The following ZFHX3 variants were observed in gnomAD, a reference collection of about 807,000 sequenced individuals.
ZFHX3 encodes the protein zinc finger homeobox protein 3.
In ZFHX3, 42 loss-of-function variants were observed where a neutral mutation model predicts 279.1. That is an observed-to-expected ratio of 0.15 (90% CI 0.12 to 0.19). The LOEUF is 0.19. Among genes scored for constraint, ZFHX3 ranks in the 10% least tolerant of loss-of-function variants. The pLI, the probability that ZFHX3 is intolerant of heterozygous loss-of-function variation, is 1.00. For missense variants in ZFHX3, 4,981 were observed against 4,754.0 expected (o/e 1.05, Z -1.40); for synonymous variants, 2,293 against 1,957.8 (o/e 1.17, Z -4.52).
chr16:73,780,604 G>C (rs376217413), intron 1 of ZFHX3, among the ~76,000 whole-genome samples: 1 of 151,946 alleles, frequency 6.6e-6, no homozygotes, highest in Non-Finnish European at 1.5e-5. Context: ...ACCACGCCCA[G>C]CTAATTTTTG....
Position 72,796,269 on chromosome 16 carries a change from G to T in ZFHX3, c.6413C>A (p.Pro2138Gln), listed in dbSNP as rs1203799745. Reference sequence around the variant, plus strand: ...CTTGTTCTGCTGCTGGAGCAGGGTTGGATTGAGCTGATGCTGGTAGAGTTG... The same window carrying T: ...CTTGTTCTGCTGCTGGAGCAGGGTTTGATTGAGCTGATGCTGGTAGAGTTG... ...LAQLYQHQLN[P>Q]TLLQQQNKRP... Residue 2138 changes from proline (P) to glutamine (Q), a missense_variant, in exon 9 of 10, where the codon CCA (proline) becomes CAA (glutamine). Pro to Gln is a moderately conservative substitution (Grantham distance 76). Transcript: ENST00000268489. 6.2e-7 allele frequency: 1 copy of T among 1,614,130 alleles called. No homozygotes were observed. The highest frequency in any genetic ancestry group is 1.7e-5 in the Admixed American group (1 of 60,030).
At chr16:73,268,035 T>C (rs1021551113) in intron 4 of ZFHX3, among the ~76,000 whole-genome samples, 8 of 152,188 alleles carry the variant, frequency 5.3e-5, no homozygotes, top group African/African-American at 1.9e-4. Context: ...GAAGATTTGA[T>C]TTACCCAGTA....
At chr16:72,931,443 ACACACACACACAC>A (rs1285549734) in intron 3 of ZFHX3, among the ~76,000 whole-genome samples, 2 of 149,334 alleles carry the variant, frequency 1.3e-5, no homozygotes, top group African/African-American at 2.5e-5. Flanking sequence ...ACACACACAC[ACACACACACACAC>A]TCTTCAGCTT....
At chr16:73,062,948 T>C (rs1965704147), upstream of ZFHX3, among the ~76,000 whole-genome samples, 2 of 152,248 alleles carry the variant, frequency 1.3e-5, no homozygotes, top group South Asian at 4.1e-4. Flanking sequence ...CATGCCGAAG[T>C]GCATCTGTCT....
intron 1 of ZFHX3, among the ~76,000 whole-genome samples, chr16:72,992,340 C>T (rs933065465): frequency 4.6e-5 from 7 of 152,182 alleles, no homozygotes; most frequent in Non-Finnish European, 1.0e-4. Flanking sequence ...GCCAGCTTCC[C>T]TGCCTTCCCC....
rs200933190 is a variant in ZFHX3 at position 73,563,170 on chromosome 16, TTGTGTGTGTGTGTGTGTGTG to T, written c.-1546-106932_-1546-106913del. Among the ~76,000 whole-genome samples the T allele has an allele frequency of 6.7e-3, 901 of 134,938 alleles. 7 individuals are homozygous for T. Among genetic ancestry groups the T allele is most frequent in the African/African-American group, 0.01 (361 of 34,824 alleles). 88.5% of individuals were successfully genotyped at this position (134,938 alleles called of 152,430 possible). On this transcript the variant is annotated intron_variant, in intron 2 of 17. Transcript: ENST00000641206. Reference sequence around the variant, plus strand: ...GTCTTTTTTTGTTTTTTTTGTTTTGTTGTGTGTGTGTGTGTGTGTGTGTGTGTGTGTGTGTGTGTGTGTGT... The same window carrying T: ...GTCTTTTTTTGTTTTTTTTGTTTTGTTGTGTGTGTGTGTGTGTGTGTGTGT...
At chr16:73,195,757 CA>C (rs374985325) in intron 5 of ZFHX3, among the ~76,000 whole-genome samples, 16 of 150,678 alleles carry the variant, frequency 1.1e-4, no homozygotes, top group Non-Finnish European at 2.1e-4. Flanking sequence ...GGCTAGAAAG[CA>C]AAAAAAATAG....
chr16:72,849,371 T>C (rs948280805), intron 4 of ZFHX3, among the ~76,000 whole-genome samples: 40 of 152,182 alleles, frequency 2.6e-4, no homozygotes, highest in Admixed American at 3.9e-4. Context: ...TACTCCAGCC[T>C]GGGGCCCAGC....
chr16:73,451,190 T>A (rs766460757), intron 3 of ZFHX3, among the ~76,000 whole-genome samples: 1 of 152,172 alleles, frequency 6.6e-6, no homozygotes, highest in Admixed American at 6.5e-5. Flanking sequence ...AGGCACCTGA[T>A]CTGAACTGGG....
At chr16:73,160,513 C>T (rs1342891614) in intron 5 of ZFHX3, among the ~76,000 whole-genome samples, 1 of 151,332 alleles carries the variant, frequency 6.6e-6, no homozygotes, top group East Asian at 1.9e-4. Context: ...TTTCTGTCCC[C>T]TTTTTTTTTC....
intron 4 of ZFHX3, among the ~76,000 whole-genome samples, chr16:73,300,466 G>A (rs2015027388): frequency 6.6e-6 from 1 of 151,936 alleles, no homozygotes; most frequent in Non-Finnish European, 1.5e-5. Context: ...TGTGTGCCAG[G>A]ATACGGGATG....
intron 2 of ZFHX3, among the ~76,000 whole-genome samples, chr16:73,473,119 T>A (rs1427534176): frequency 6.6e-6 from 1 of 151,148 alleles, no homozygotes; most frequent in Non-Finnish European, 1.5e-5. Context: ...GGTAGGAGGA[T>A]CACTTGGGCT....
At chr16:72,913,449 T>C (rs1043021650) in intron 3 of ZFHX3, among the ~76,000 whole-genome samples, 1 of 152,140 alleles carries the variant, frequency 6.6e-6, no homozygotes, top group South Asian at 2.1e-4. Context: ...TTTCTCACAA[T>C]TAGATTGAGA....
intron 2 of ZFHX3, among the ~76,000 whole-genome samples, chr16:73,531,892 C>G (rs920730389): frequency 6.6e-6 from 1 of 151,838 alleles, no homozygotes; most frequent in Non-Finnish European, 1.5e-5. Flanking sequence ...AGTTTGAGAC[C>G]AGCCTGGGCA....
chr16:72,940,317 C>T (rs116962917), intron 3 of ZFHX3, among the ~76,000 whole-genome samples: 47 of 152,282 alleles, frequency 3.1e-4, no homozygotes, highest in Non-Finnish European at 5.4e-4. Flanking sequence ...ACCCAGGGAA[C>T]GAAGACCCCT....
chr16:73,143,961 G>A (rs1966854202), intron 5 of ZFHX3: 1 of 383,140 alleles, frequency 2.6e-6, no homozygotes, highest in Non-Finnish European at 4.9e-6. Context: ...TTCTTTCTAG[G>A]GTGAGGGTTT....
upstream of ZFHX3, chr16:73,060,650 T>C (rs1427340176): frequency 6.6e-6 from 1 of 151,822 alleles, no homozygotes; most frequent in African/African-American, 2.4e-5. Flanking sequence ...ACCATTGAAA[T>C]TACAATGTCT....
At chr16:73,248,307 G>GTC (rs2013367910) in intron 5 of ZFHX3, among the ~76,000 whole-genome samples, 1 of 151,676 alleles carries the variant, frequency 6.6e-6, no homozygotes, top group Non-Finnish European at 1.5e-5. Flanking sequence ...TATGATATGT[G>GTC]TGTGTGTATA....
At chr16:72,816,655 A>G (rs16971306) in intron 5 of ZFHX3, among the ~76,000 whole-genome samples, 6,874 of 152,248 alleles carry the variant, frequency 0.045, 704 homozygotes, top group East Asian at 0.29. Flanking sequence ...TTCAAAAGTC[A>G]GCTCTCTGGG....
Sources: allele counts gnomAD v4.1 joint callset (sites outside exome capture counted in the v4.1 genomes callset), GRCh38; gene constraint gnomAD v4.1.1; transcripts MANE v1.5; gene names NCBI Gene and HGNC (gene_info 2026-07-23, HGNC 2026-07-21).